Variants in APP observed in about 807,000 individuals in gnomAD.
APP encodes the protein amyloid-beta precursor protein.
In APP, 31 loss-of-function variants were observed where a neutral mutation model predicts 101.4. The observed-to-expected ratio is 0.31, with a 90% CI of 0.23 to 0.41. APP has a LOEUF of 0.41. Among genes scored for constraint, APP ranks in the 10% least tolerant of loss-of-function variants. The pLI is 1.00. For missense variants in APP, 839 were observed against 1,003.7 expected (o/e 0.84, Z 2.22); for synonymous variants, 366 against 364.4 (o/e 1.00, Z -0.05).
intron 8 of APP, among the ~76,000 whole-genome samples, chr21:25,989,717 T>C (rs1411777613): frequency 1.3e-5 from 2 of 152,208 alleles, no homozygotes; most frequent in African/African-American, 4.8e-5. Context: ...ATATAAATCA[T>C]TGCCTTATCA....
intron 3 of APP, among the ~76,000 whole-genome samples, chr21:26,071,366 G>A (rs113494828): frequency 1.6e-3 from 245 of 152,078 alleles, no homozygotes; most frequent in Non-Finnish European, 2.8e-3. Flanking sequence ...CCCTCTCCAG[G>A]GAGCAAATAT....
At chr21:25,896,932 A>G (rs571283890) in intron 16 of APP, among the ~76,000 whole-genome samples, 13 of 152,330 alleles carry the variant, frequency 8.5e-5, no homozygotes, top group Admixed American at 3.9e-4. Flanking sequence ...TAAGCCACAT[A>G]AAGTGTTCTG....
chr21:26,087,485 G>A lies in APP; in HGVS notation c.355+2458C>T, dbSNP rs114290224. ...GAGAAATTTGCTTAACATGTCACAA[G>A]TGACCCAACTTTTTGAATTATGTAC... On this transcript the variant is annotated intron_variant, in intron 3 of 17. Transcript: ENST00000346798. 2.6e-3 allele frequency among the ~76,000 whole-genome samples: 392 copies of A among 152,304 alleles called. 1 individual carries two copies. The highest frequency in any genetic ancestry group is 9.1e-3 in the African/African-American group (379 of 41,572).
chr21:26,101,084 C>CTTTT lies in APP; in HGVS notation c.225+10891_225+10894dup, dbSNP rs892273728. Among the ~76,000 whole-genome samples, 11 of 133,740 alleles carry CTTTT rather than the reference C, an allele frequency of 8.2e-5. No homozygotes were observed. In the South Asian group the frequency reaches 2.6e-3, roughly 32 times the overall value. 87.7% of individuals were successfully genotyped at this position (133,740 alleles called of 152,430 possible). On this transcript the variant is annotated intron_variant, in intron 2 of 17. Coordinates refer to ENST00000346798, the MANE Select transcript of APP (RefSeq NM_000484.4). ...TGGAAGAGCCTGTTTCAAGTTATCTCTTTTTTTTTCCTTTTTTTTTTTTTT... is the reference window on the plus strand; with the variant it reads ...TGGAAGAGCCTGTTTCAAGTTATCTCTTTTTTTTTTTTTCCTTTTTTTTTTTTTT...
intron 1 of APP, among the ~76,000 whole-genome samples, chr21:26,162,997 G>A (rs1303744477): frequency 1.3e-5 from 2 of 149,764 alleles, no homozygotes; most frequent in African/African-American, 2.5e-5. Context: ...GGAGGCCTAG[G>A]TGGGTGGATC....
At chr21:25,983,809 T>G (rs1370940574) in intron 8 of APP, among the ~76,000 whole-genome samples, 2 of 152,182 alleles carry the variant, frequency 1.3e-5, no homozygotes, top group African/African-American at 2.4e-5. Context: ...GTCTTCTCTG[T>G]AGCAAATGAG....
chr21:26,109,899 GTTTA>G (rs928577214), intron 2 of APP, among the ~76,000 whole-genome samples: 4 of 152,114 alleles, frequency 2.6e-5, no homozygotes, highest in African/African-American at 9.7e-5. Flanking sequence ...TTTAAAAAAA[GTTTA>G]TTTGACACTC....
At chr21:26,154,033 C>T (rs1159198386) in intron 1 of APP, among the ~76,000 whole-genome samples, 1 of 152,158 alleles carries the variant, frequency 6.6e-6, no homozygotes, top group Non-Finnish European at 1.5e-5. Context: ...TCCAACCCTC[C>T]ATGTCAGGCA....
At chr21:25,924,411 C>A (rs1296650194) in intron 13 of APP, among the ~76,000 whole-genome samples, 84 of 56,746 alleles carry the variant, frequency 1.5e-3, no homozygotes, top group South Asian at 6.9e-3. Flanking sequence ...TTTGCAAATA[C>A]AAAAAAAAAA....
chr21:25,890,217 G>A (rs1310210872), intron 17 of APP, among the ~76,000 whole-genome samples: 7 of 152,058 alleles, frequency 4.6e-5, no homozygotes, highest in South Asian at 2.1e-4. Context: ...GCTCATCCAC[G>A]TCAGTATGAA....
chr21:26,034,207 C>T (rs908415018), intron 5 of APP, among the ~76,000 whole-genome samples: 2 of 152,262 alleles, frequency 1.3e-5, no homozygotes, highest in South Asian at 4.1e-4. Flanking sequence ...AAAATCTAGC[C>T]TTATGAAGTC....
At chr21:26,098,507 A>G (rs1005519005) in intron 2 of APP, among the ~76,000 whole-genome samples, 1 of 152,196 alleles carries the variant, frequency 6.6e-6, no homozygotes, top group Non-Finnish European at 1.5e-5. Flanking sequence ...CTTTGTCTCT[A>G]TTCCCAACAT....
intron 1 of APP, among the ~76,000 whole-genome samples, chr21:26,159,243 T>C (rs1471518881): frequency 3.9e-5 from 6 of 152,078 alleles, no homozygotes; most frequent in Non-Finnish European, 1.5e-5. Context: ...CCACGCCCGG[T>C]TAATTTGTTG....
At chr21:25,992,911 C>T (rs747174851) in intron 8 of APP, among the ~76,000 whole-genome samples, 6 of 152,162 alleles carry the variant, frequency 3.9e-5, no homozygotes, top group Non-Finnish European at 8.8e-5. Context: ...TTTGCTACTG[C>T]ACAGTGAAAA....
At chr21:26,080,486 C>T (rs1042478857) in intron 3 of APP, among the ~76,000 whole-genome samples, 6 of 151,412 alleles carry the variant, frequency 4.0e-5, no homozygotes, top group Non-Finnish European at 5.9e-5. Context: ...TCCTGCTTTC[C>T]GCCGGGTTGT....
At chr21:26,119,145 T>C (rs921959796) in intron 1 of APP, among the ~76,000 whole-genome samples, 2 of 152,200 alleles carry the variant, frequency 1.3e-5, no homozygotes, top group Non-Finnish European at 2.9e-5. Flanking sequence ...AAGAGTGTTA[T>C]TCCAAAGCAC....
At chr21:26,035,835 G>C (rs1210003194) in intron 5 of APP, among the ~76,000 whole-genome samples, 1 of 152,162 alleles carries the variant, frequency 6.6e-6, no homozygotes, top group Non-Finnish European at 1.5e-5. Context: ...ATTAGTGCTG[G>C]AAAAGATGGA....
intron 2 of APP, among the ~76,000 whole-genome samples, chr21:26,104,418 T>C (rs760117128): frequency 2.0e-5 from 3 of 151,842 alleles, no homozygotes; most frequent in South Asian, 2.1e-4. Context: ...ACTATTACGA[T>C]TGGGAAAGAG....
chr21:26,148,155 C>T (rs2063191262), intron 1 of APP, among the ~76,000 whole-genome samples: 1 of 152,178 alleles, frequency 6.6e-6, no homozygotes, highest in African/African-American at 2.4e-5. Context: ...AGCCACAAAC[C>T]CCTTCAAAAA....
Sources: allele counts gnomAD v4.1 joint callset (sites outside exome capture counted in the v4.1 genomes callset), GRCh38; gene constraint gnomAD v4.1.1; transcripts MANE v1.5; gene names NCBI Gene and HGNC (gene_info 2026-07-23, HGNC 2026-07-21).